The following DBT variants were observed in gnomAD, a reference collection of about 807,000 sequenced individuals.
The protein encoded by DBT is lipoamide acyltransferase component of branched-chain alpha-keto acid dehydrogenase complex, mitochondrial.
In DBT, 40 loss-of-function variants were observed where a neutral mutation model predicts 51.3. The ratio of observed to expected loss-of-function variants is 0.78; its 90% CI spans 0.61 to 1.02. DBT has a LOEUF of 1.02. DBT is among the 50% of genes least tolerant of loss of function. The pLI, the probability that DBT is intolerant of heterozygous loss-of-function variation, is 0.00. For synonymous variants in DBT, 181 were observed against 190.4 expected (o/e 0.95, Z 0.41); for missense variants, 510 against 580.2 (o/e 0.88, Z 1.24).
chr1:100,229,663 G>A (rs1246264119), intron 4 of DBT, among the ~76,000 whole-genome samples: 1 of 152,242 alleles, frequency 6.6e-6, no homozygotes, highest in Non-Finnish European at 1.5e-5. Context: ...CTGAATTACA[G>A]TGAGATATCT....
rs1570796358 is a variant in DBT, at chr1:100,196,340, A to G, written c.1364T>C (p.Ile455Thr). Residue 455 changes from isoleucine (I) to threonine (T), a missense_variant, in exon 11 of 11, where the codon ATT (isoleucine) becomes ACT (threonine). By Grantham distance (89) the Ile-to-Thr change is moderately conservative. Transcript: ENST00000370132. Reference protein sequence around the residue: ...NVSWSADHRVIDGATMSRFSN... With the variant: ...NVSWSADHRVTDGATMSRFSN... ...GAAGCGTGACATTGTAGCACCATCA[A>G]TAACTCTGTGATCAGCTGACCAGCT... The G allele has an allele frequency of 6.2e-7, 1 of 1,612,498 alleles. No homozygotes were observed. The highest frequency in any genetic ancestry group is 8.5e-7 in the Non-Finnish European group (1 of 1,179,816).
At chr1:100,214,615 G>A (rs1356897201) in intron 7 of DBT, among the ~76,000 whole-genome samples, 17 of 152,174 alleles carry the variant, frequency 1.1e-4, no homozygotes, top group African/African-American at 3.4e-4. Context: ...TTAGCCAGGC[G>A]TGGTGGCAGG....
intron 7 of DBT, among the ~76,000 whole-genome samples, chr1:100,213,073 C>CAG (rs1336250428): frequency 6.6e-6 from 1 of 152,262 alleles, no homozygotes; most frequent in East Asian, 1.9e-4. Context: ...CCTGAAAGAG[C>CAG]TTCTCCACCT....
At chr1:100,228,912 T>C (rs1663366095) in intron 4 of DBT, among the ~76,000 whole-genome samples, 1 of 152,226 alleles carries the variant, frequency 6.6e-6, no homozygotes, top group Non-Finnish European at 1.5e-5. Flanking sequence ...TGGAATGATA[T>C]ACACGAATGC....
chr1:100,211,139 A>G, intron 7 of DBT: 2 of 779,144 alleles, frequency 2.6e-6, no homozygotes, highest in South Asian at 2.7e-5. Flanking sequence ...GAATCAAAAC[A>G]CAAAAAAAGC....
intron 5 of DBT, 52 bp from the exon 6 acceptor site, chr1:100,216,251 T>C: frequency 1.5e-6 from 2 of 1,302,198 alleles, no homozygotes; most frequent in Non-Finnish European, 2.2e-6. Context: ...AAAAACATCA[T>C]TAAAGTTTCA....
chr1:100,249,752 C>T lies in DBT; in HGVS notation c.51+18G>A, dbSNP rs1388052528. The T allele has an allele frequency of 6.2e-7, 1 of 1,613,404 alleles. No individual in the cohort carries two copies. The highest frequency in any genetic ancestry group is 1.3e-5 in the African/African-American group (1 of 75,052). On this transcript the variant is annotated intron_variant, in intron 1 of 10. Transcript: ENST00000370132. ...AAATCACTCCTTCCCGGCCTCAGAT[C>T]TGCCCAAACGTGCTTACCAGCTTCC...
rs1663529351 is a variant in DBT, at chr1:100,231,042, C to T, written c.252-128G>A. On this transcript the variant is annotated intron_variant, in intron 3 of 10. Coordinates refer to ENST00000370132, the MANE Select transcript of DBT (RefSeq NM_001918.5). ...CCAGCATTTACTTTCAGATGGTGTA[C>T]TAAGCAATGTTTCAGAGATGACTAT... is the stretch of plus-strand genomic sequence containing the variant. The T allele has an allele frequency of 9.1e-6, 6 of 658,554 alleles. No individual in the cohort carries two copies. In the East Asian group the frequency reaches 1.6e-4, roughly 18 times the overall value. 40.8% of individuals were successfully genotyped at this position (658,554 alleles called of 1,614,324 possible).
intron 2 of DBT, among the ~76,000 whole-genome samples, chr1:100,237,716 A>T (rs1284449606): frequency 6.6e-6 from 1 of 152,008 alleles, no homozygotes; most frequent in Admixed American, 6.6e-5. Context: ...AGCTCATGAT[A>T]ACTTCAAGTT....
chr1:100,204,585 C>T (rs1390243093), intron 10 of DBT, among the ~76,000 whole-genome samples: 2 of 151,974 alleles, frequency 1.3e-5, no homozygotes, highest in Admixed American at 6.6e-5. Flanking sequence ...ACTTTCTTCA[C>T]AGAATTAGAA....
In DBT at chr1:100,187,290, C is replaced by A. The variant is rs973347140; in HGVS notation, c.*8965G>T. The A allele has an allele frequency of 1.3e-5, 2 of 152,184 alleles. No homozygotes were observed. The highest frequency in any genetic ancestry group is 2.9e-5 in the Non-Finnish European group (2 of 68,030). The allele number at this position is 152,184 out of a possible 1,614,324, so 9.4% of individuals were successfully genotyped here. On this transcript the variant is annotated 3_prime_UTR_variant, in exon 11 of 11. Coordinates refer to ENST00000370132, the MANE Select transcript of DBT (RefSeq NM_001918.5). Reference sequence around the variant, plus strand: ...AACAAAACAAAAAACAATACCCCTTCGGTGTCAAATGATACAGAAATGGCA... The same window carrying A: ...AACAAAACAAAAAACAATACCCCTTAGGTGTCAAATGATACAGAAATGGCA...
intron 10 of DBT, among the ~76,000 whole-genome samples, chr1:100,201,859 A>C (rs1661455088): frequency 1.3e-5 from 2 of 152,220 alleles, no homozygotes; most frequent in Admixed American, 1.3e-4. Context: ...AAATGCTGAC[A>C]GATTTTGTCA....
rs1355269362 is a variant in DBT, at chr1:100,189,321, G to T, written c.*6934C>A. On this transcript the variant is annotated 3_prime_UTR_variant, in exon 11 of 11. Transcript: ENST00000370132. ...GATCGCACCACTGCACTCTAGTCGGGGTGACAGAGTGAGACTCCATCTCAA... is the reference window on the plus strand; with the variant it reads ...GATCGCACCACTGCACTCTAGTCGGTGTGACAGAGTGAGACTCCATCTCAA... 6.6e-6 allele frequency: 1 copy of T among 150,816 alleles called. No individual in the cohort carries two copies. The allele number at this position is 150,816 out of a possible 1,614,324, so 9.3% of individuals were successfully genotyped here.
rs1662464331 is a variant in DBT, at chr1:100,216,060, G to C, written c.695C>G (p.Pro232Arg). ...KVEIMPPPPK[P>R]KDMTVPILVS... ...TAGTATAGGAACAGTCATGTCTTTT[G>C]GCTTTGGTGGAGGTGGCATAATTTC... Residue 232 changes from proline (P) to arginine (R), a missense_variant, in exon 6 of 11, where the codon CCA becomes CGA. Transcript: ENST00000370132. The C allele has an allele frequency of 6.2e-7, 1 of 1,613,588 alleles. No homozygotes were observed. The highest frequency in any genetic ancestry group is 2.2e-5 in the East Asian group (1 of 44,860).
At chr1:100,225,021 C>A (rs1348952213) in intron 4 of DBT, among the ~76,000 whole-genome samples, 4 of 17,132 alleles carry the variant, frequency 2.3e-4, no homozygotes, top group Non-Finnish European at 3.5e-4. Context: ...CCGTCTCCCC[C>A]CAAAAAAAAA....
intron 6 of DBT, among the ~76,000 whole-genome samples, chr1:100,215,320 G>A (rs1408217484): frequency 6.6e-6 from 1 of 152,134 alleles, no homozygotes; most frequent in Non-Finnish European, 1.5e-5. Flanking sequence ...AATCATTCCA[G>A]GAGTTTATAA....
chr1:100,235,617 T>C, intron 2 of DBT, 106 bp from the exon 3 acceptor site: 1 of 652,256 alleles, frequency 1.5e-6, no homozygotes, highest in Non-Finnish European at 2.8e-6. Context: ...GCAGAAATTC[T>C]TCCATCTTAC....
Position 100,206,597 on chromosome 1 carries a change from C to G in DBT, c.1057G>C (p.Gly353Arg), listed in dbSNP as rs578139656. Residue 353 changes from glycine (G) to arginine (R), a missense_variant, in exon 9 of 11, where the codon GGT (glycine) becomes CGT (arginine). By Grantham distance (125) the Gly-to-Arg change is moderately radical (BLOSUM62 -2). Transcript: ENST00000370132. ...NIGIAMDTEQ[G>R]LIVPNVKNVQ... is the part of the protein sequence containing the mutation. ...TTTTTCACATTAGGGACAATCAAAC[C>G]CTGCTCAGTATCCATTGCTATCCCA... 1.2e-6 allele frequency: 2 copies of G among 1,612,300 alleles called. No individual in the cohort carries two copies. Among genetic ancestry groups the G allele is most frequent in the Non-Finnish European group, 8.5e-7 (1 of 1,178,434 alleles).
intron 4 of DBT, among the ~76,000 whole-genome samples, chr1:100,230,386 G>A (rs1663470033): frequency 6.6e-6 from 1 of 152,220 alleles, no homozygotes; most frequent in South Asian, 2.1e-4. Context: ...TAACGTCACT[G>A]ACTTATGTGG....
Sources: allele counts gnomAD v4.1 joint callset (sites outside exome capture counted in the v4.1 genomes callset), GRCh38; gene constraint gnomAD v4.1.1; transcripts MANE v1.5; gene names NCBI Gene and HGNC (gene_info 2026-07-23, HGNC 2026-07-21).